Variants in NCBP1 observed in about 807,000 individuals in gnomAD.
NCBP1 encodes nuclear cap-binding protein subunit 1.
A neutral mutation model predicts 111.7 loss-of-function variants in NCBP1; 16 were observed. The ratio of observed to expected loss-of-function variants is 0.14; its 90% CI spans 0.10 to 0.22. The LOEUF (loss-of-function observed/expected upper bound fraction) is 0.22, where lower values mean the gene tolerates loss of function less well. Among genes scored for constraint, NCBP1 ranks in the 10% least tolerant of loss-of-function variants. The pLI, the probability that NCBP1 is intolerant of heterozygous loss-of-function variation, is 1.00. For missense variants in NCBP1, 607 were observed against 957.5 expected (o/e 0.63, Z 4.83); for synonymous variants, 304 against 314.3 (o/e 0.97, Z 0.35).
At chr9:97,634,257 C>T (rs1342237842) in intron 1 of NCBP1, among the ~76,000 whole-genome samples, 1 of 152,204 alleles carries the variant, frequency 6.6e-6, no homozygotes, top group Non-Finnish European at 1.5e-5. Flanking sequence ...CTTAGGGACC[C>T]ACTGGTCCTA....
chr9:97,645,196 G>A lies in NCBP1; in HGVS notation c.461G>A (p.Ser154Asn). 1 of 1,613,172 alleles carries A rather than the reference G, an allele frequency of 6.2e-7. No homozygotes were observed. Among genetic ancestry groups the A allele is most frequent in the Non-Finnish European group, 8.5e-7 (1 of 1,179,372 alleles). ...SMVAMFENFV[S>N]VTQEEDVPQV... ...GTTGCTATGTTTGAAAATTTTGTAA[G>A]CGTAACTCAGGAAGAAGATGTACCT... The change falls in exon 5 of 23, where the codon AGC becomes AAC. Residue 154 changes from serine (S) to asparagine (N), a missense_variant. Transcript: ENST00000375147.
intron 12 of NCBP1, among the ~76,000 whole-genome samples, 188 bp from the exon 13 acceptor site, chr9:97,655,514 A>C (rs575728474): frequency 1.3e-5 from 2 of 152,226 alleles, no homozygotes; most frequent in Non-Finnish European, 2.9e-5. Flanking sequence ...AGGTACTAGA[A>C]TTATATCTGT....
At chr9:97,647,584 T>G in intron 7 of NCBP1, 23 bp downstream of exon 7, 1 of 1,570,014 alleles carries the variant, frequency 6.4e-7, no homozygotes, top group Middle Eastern at 1.7e-4. Flanking sequence ...CAGTCCCTTG[T>G]GATACAAACA....
At chr9:97,635,688 C>A (rs1187143634) in intron 1 of NCBP1, 3 of 151,978 alleles carry the variant, frequency 2.0e-5, no homozygotes, top group African/African-American at 7.3e-5. Context: ...TTCCAAAGTG[C>A]CGGGATTACA....
At chr9:97,645,513 A>G in intron 5 of NCBP1, 98 bp from the exon 6 acceptor site, 2 of 1,294,676 alleles carry the variant, frequency 1.5e-6, no homozygotes, top group East Asian at 2.5e-5. Context: ...TTTAAGTCCT[A>G]TTAAATAGCT....
intron 1 of NCBP1, among the ~76,000 whole-genome samples, chr9:97,637,119 GCA>G (rs1827064818): frequency 6.6e-6 from 1 of 152,132 alleles, no homozygotes; most frequent in Admixed American, 6.6e-5. Flanking sequence ...TAGAGAGATA[GCA>G]GAGGGTTGCA....
rs1828114846 is a variant in NCBP1, at chr9:97,669,590, C to T, written c.2146-3C>T. ...ACTACCTTAACTTCTTCTCCCTTTC[C>T]AGCGGTTTATCATGATCTTGACCGA... On this transcript the variant is annotated splice_region_variant and splice_polypyrimidine_tract_variant and intron_variant, in intron 21 of 22. Coordinates refer to ENST00000375147, the MANE Select transcript of NCBP1 (RefSeq NM_002486.5). 1 of 1,593,166 alleles carries T rather than the reference C, an allele frequency of 6.3e-7. No homozygotes were observed. The highest frequency in any genetic ancestry group is 8.6e-7 in the Non-Finnish European group (1 of 1,161,216).
intron 19 of NCBP1, among the ~76,000 whole-genome samples, chr9:97,664,858 TGGAG>T: frequency 6.6e-6 from 1 of 152,272 alleles, no homozygotes; most frequent in East Asian, 1.9e-4. Flanking sequence ...GAGTAAATCA[TGGAG>T]GGATCCAGGA....
intron 11 of NCBP1, among the ~76,000 whole-genome samples, chr9:97,654,355 C>G (rs1027015951): frequency 2.6e-5 from 4 of 152,102 alleles, no homozygotes; most frequent in Non-Finnish European, 1.5e-5. Context: ...TTGATTCCAT[C>G]TCAAAAAAAC....
rs564783835 is a variant in NCBP1 at position 97,663,054 on chromosome 9, A to G, written c.1797+7A>G. 59 of 1,587,514 alleles carry G rather than the reference A, an allele frequency of 3.7e-5. No homozygotes were observed. The South Asian group carries it at 6.1e-4, about 16-fold the overall frequency. ...CTGGAGGAACCATCCACAGGTAAAAATTATTTAATTAGACATGTTGAAGCT... is the reference window on the plus strand; with the variant it reads ...CTGGAGGAACCATCCACAGGTAAAAGTTATTTAATTAGACATGTTGAAGCT... On this transcript the variant is annotated splice_region_variant and intron_variant, in intron 18 of 22. Coordinates refer to ENST00000375147, the MANE Select transcript of NCBP1 (RefSeq NM_002486.5).
intron 11 of NCBP1, among the ~76,000 whole-genome samples, chr9:97,654,235 A>T (rs964684612): frequency 6.6e-6 from 1 of 152,136 alleles, no homozygotes; most frequent in African/African-American, 2.4e-5. Context: ...CCACAGTAGA[A>T]CTTCTTTCAG....
At chr9:97,641,935 A>G (rs1012064180) in intron 3 of NCBP1, among the ~76,000 whole-genome samples, 9 of 152,058 alleles carry the variant, frequency 5.9e-5, no homozygotes, top group Non-Finnish European at 8.8e-5. Context: ...TCTCATTCAG[A>G]TATATATTTT....
At chr9:97,652,266 T>G (rs1564022740) in intron 10 of NCBP1, among the ~76,000 whole-genome samples, 1 of 152,190 alleles carries the variant, frequency 6.6e-6, no homozygotes, top group Non-Finnish European at 1.5e-5. Context: ...GCTCCCAAGG[T>G]GCTGGGATTA....
intron 8 of NCBP1, 37 bp from the exon 9 acceptor site, chr9:97,650,466 C>T (rs919257380): frequency 6.9e-7 from 1 of 1,453,804 alleles, no homozygotes; most frequent in Non-Finnish European, 9.5e-7. Context: ...AATCTGTTTT[C>T]TAGGCCTGTA....
At chr9:97,662,676 C>T (rs1002366497) in intron 17 of NCBP1, among the ~76,000 whole-genome samples, 1 of 152,176 alleles carries the variant, frequency 6.6e-6, no homozygotes, top group African/African-American at 2.4e-5. Context: ...TTGAATATTT[C>T]ACCATGTTTG....
intron 14 of NCBP1, among the ~76,000 whole-genome samples, chr9:97,656,542 C>G (rs566503756): frequency 6.6e-6 from 1 of 152,114 alleles, no homozygotes; most frequent in Non-Finnish European, 1.5e-5. Flanking sequence ...CAGAGCGACA[C>G]TCTTATCTCA....
intron 21 of NCBP1, 74 bp downstream of exon 21, chr9:97,669,048 T>C: frequency 2.1e-6 from 3 of 1,441,760 alleles, no homozygotes; most frequent in South Asian, 2.7e-5. Context: ...AAAAATGTTA[T>C]TTTTCATTGT....
chr9:97,640,816 A>G lies in NCBP1; in HGVS notation c.57A>G (p.Arg19=), dbSNP rs112628223. The G allele has an allele frequency of 9.9e-6, 16 of 1,609,496 alleles. No individual in the cohort carries two copies. Among genetic ancestry groups the G allele is most frequent in the African/African-American group, 8.0e-5 (6 of 74,710 alleles). The change falls in exon 2 of 23, where the codon AGA becomes AGG. Residue 19 remains arginine, a synonymous_variant. Transcript: ENST00000375147. ...ENDGGQPHKR[R]KTSDANETED... is the part of the protein sequence containing the mutation. ...TAGGTGGGCAGCCTCACAAAAGGAG[A>G]AAGACCTCTGATGCAAATGAAACTG...
intron 10 of NCBP1, among the ~76,000 whole-genome samples, chr9:97,652,382 C>T (rs1827521725): frequency 6.6e-6 from 1 of 152,176 alleles, no homozygotes; most frequent in Admixed American, 6.5e-5. Flanking sequence ...ATTTGCGGGG[C>T]TCAGGCAGGC....
Sources: allele counts gnomAD v4.1 joint callset (sites outside exome capture counted in the v4.1 genomes callset), GRCh38; gene constraint gnomAD v4.1.1; transcripts MANE v1.5; gene names NCBI Gene and HGNC (gene_info 2026-07-23, HGNC 2026-07-21).